CFAP299: variants seen among roughly 807,000 people sequenced by gnomAD.
CFAP299 encodes cilia and flagella associated protein 299.
A neutral mutation model predicts 27.0 loss-of-function variants in CFAP299; 21 were observed. That is an observed-to-expected ratio of 0.78 (90% CI 0.55 to 1.12). The LOEUF (loss-of-function observed/expected upper bound fraction) is 1.12, where lower values mean the gene tolerates loss of function less well. CFAP299 is among the 50% of genes most tolerant of loss of function. The pLI, the probability that CFAP299 is intolerant of heterozygous loss-of-function variation, is 0.00. For missense variants in CFAP299, 310 were observed against 276.6 expected (o/e 1.12, Z -0.86); for synonymous variants, 104 against 98.1 (o/e 1.06, Z -0.36).
At chr4:80,739,452 AT>A (rs1206899069) in intron 3 of CFAP299, among the ~76,000 whole-genome samples, 1 of 151,648 alleles carries the variant, frequency 6.6e-6, no homozygotes, top group East Asian at 1.9e-4. Flanking sequence ...AGTGGTTTTC[AT>A]TTTTTGTTTT....
intron 3 of CFAP299, among the ~76,000 whole-genome samples, chr4:80,801,776 A>G (rs1161843811): frequency 1.3e-5 from 2 of 152,266 alleles, no homozygotes; most frequent in African/African-American, 4.8e-5. Flanking sequence ...GCAAATTTCC[A>G]TGCAAAACGA....
chr4:80,330,879 C>T (rs1489401076), upstream of CFAP299, among the ~76,000 whole-genome samples: 2 of 152,112 alleles, frequency 1.3e-5, no homozygotes, highest in Non-Finnish European at 2.9e-5. Flanking sequence ...TTTGAGGGAT[C>T]ATTATGTTCC....
At chr4:80,376,524 CT>C (rs1392475422) in intron 2 of CFAP299, among the ~76,000 whole-genome samples, 3 of 152,202 alleles carry the variant, frequency 2.0e-5, no homozygotes, top group Admixed American at 1.3e-4. Context: ...GTTTTACTCT[CT>C]CCTTAGCAAG....
intron 3 of CFAP299, among the ~76,000 whole-genome samples, chr4:80,653,454 C>G (rs534961199): frequency 6.6e-6 from 1 of 152,082 alleles, no homozygotes; most frequent in South Asian, 2.1e-4. Context: ...GTCATCTACT[C>G]AAATATGCTT....
intron 2 of CFAP299, among the ~76,000 whole-genome samples, chr4:80,541,488 C>G (rs11732964): frequency 0.11 from 16,394 of 152,116 alleles, 1,075 homozygotes; most frequent in Middle Eastern, 0.19. Context: ...ATTTGGTACT[C>G]AGTGTATATC....
intron 3 of CFAP299, among the ~76,000 whole-genome samples, chr4:80,758,677 C>G (rs1041026528): frequency 2.0e-5 from 3 of 152,146 alleles, no homozygotes; most frequent in Non-Finnish European, 1.5e-5. Flanking sequence ...TAAGGAATGT[C>G]TAAATGGCAG....
At chr4:80,405,531 T>C (rs1726371563) in intron 2 of CFAP299, among the ~76,000 whole-genome samples, 1 of 152,138 alleles carries the variant, frequency 6.6e-6, no homozygotes, top group African/African-American at 2.4e-5. Context: ...GTATGTATAA[T>C]GCTTATGTTC....
chr4:80,641,587 C>A (rs1739730601), intron 3 of CFAP299, among the ~76,000 whole-genome samples: 1 of 152,168 alleles, frequency 6.6e-6, no homozygotes, highest in Admixed American at 6.5e-5. Flanking sequence ...CTTAGGTTAA[C>A]AACTTTTACA....
intron 4 of CFAP299, among the ~76,000 whole-genome samples, chr4:80,873,598 A>G (rs1426548162): frequency 6.6e-6 from 1 of 152,204 alleles, no homozygotes; most frequent in Non-Finnish European, 1.5e-5. Flanking sequence ...ATAAAGAGTA[A>G]ACCACTTACT....
intron 4 of CFAP299, among the ~76,000 whole-genome samples, chr4:80,942,052 G>T (rs1026655085): frequency 7.9e-5 from 12 of 152,272 alleles, no homozygotes; most frequent in African/African-American, 2.6e-4. Flanking sequence ...CATCCAGCTA[G>T]CTGGATGGGA....
intron 4 of CFAP299, among the ~76,000 whole-genome samples, chr4:80,912,554 G>A (rs1167469248): frequency 1.3e-5 from 2 of 152,140 alleles, no homozygotes; most frequent in East Asian, 1.9e-4. Context: ...CTGCAAAAGG[G>A]GTAGGGTGTT....
At chr4:80,699,563 ATGTTTTACAG>A (rs1371673160) in intron 3 of CFAP299, among the ~76,000 whole-genome samples, 1 of 152,132 alleles carries the variant, frequency 6.6e-6, no homozygotes, top group Non-Finnish European at 1.5e-5. Context: ...TTGTTAGCTA[ATGTTTTACAG>A]TTTCTTCAAG....
intron 3 of CFAP299, among the ~76,000 whole-genome samples, chr4:80,817,885 G>T (rs1346734079): frequency 6.6e-6 from 1 of 151,258 alleles, no homozygotes; most frequent in Non-Finnish European, 1.5e-5. Flanking sequence ...GGATGTACAA[G>T]TTTGTTACAT....
At chr4:80,358,832 T>C (rs569230619) in intron 1 of CFAP299, among the ~76,000 whole-genome samples, 1 of 152,308 alleles carries the variant, frequency 6.6e-6, no homozygotes, top group Non-Finnish European at 1.5e-5. Context: ...AGAGTTAGTA[T>C]TGATATGTGT....
chr4:80,917,312 C>T (rs779427319), intron 4 of CFAP299, among the ~76,000 whole-genome samples: 1 of 151,998 alleles, frequency 6.6e-6, no homozygotes, highest in African/African-American at 2.4e-5. Context: ...AAGATACTGT[C>T]AATATGGATT....
At chr4:80,671,524 C>G (rs1228161294) in intron 3 of CFAP299, among the ~76,000 whole-genome samples, 1 of 152,078 alleles carries the variant, frequency 6.6e-6, no homozygotes, top group Non-Finnish European at 1.5e-5. Flanking sequence ...TTTTCCAGTT[C>G]TGTGAAGAAA....
chr4:80,899,370 A>G (rs1417507545), intron 4 of CFAP299, among the ~76,000 whole-genome samples: 1 of 152,210 alleles, frequency 6.6e-6, no homozygotes, highest in African/African-American at 2.4e-5. Context: ...GCAACCAACT[A>G]GAGTAGAGAA....
chr4:80,321,385 G>C, the CFAP299 span, among the ~76,000 whole-genome samples: 1 of 152,060 alleles, frequency 6.6e-6, no homozygotes, highest in Non-Finnish European at 1.5e-5. Context: ...TTGCTCAGAG[G>C]GCATTTATAA....
At chr4:80,793,117 G>T (rs1349379869) in intron 3 of CFAP299, among the ~76,000 whole-genome samples, 1 of 151,896 alleles carries the variant, frequency 6.6e-6, no homozygotes, top group East Asian at 1.9e-4. Flanking sequence ...GTGTGTGTGT[G>T]TGTGTGTGTG....
Sources: gnomAD v4.1 joint callset for allele counts (sites outside exome capture counted in the v4.1 genomes callset) on GRCh38, gnomAD v4.1.1 for gene constraint, MANE v1.5 for transcripts, NCBI Gene and HGNC (gene_info 2026-07-23, HGNC 2026-07-21) for gene names.